DLC1: variants seen among roughly 807,000 people sequenced by gnomAD.
DLC1 encodes the protein rho GTPase-activating protein 7.
DLC1 carries 54 observed loss-of-function variants against 140.3 expected under a neutral mutation model. The ratio of observed to expected loss-of-function variants is 0.38; its 90% CI spans 0.31 to 0.48. The LOEUF (loss-of-function observed/expected upper bound fraction) is 0.48, where lower values mean the gene tolerates loss of function less well. Ranked by LOEUF, DLC1 falls within the 20% of genes least tolerant of loss-of-function variation. DLC1 has a pLI of 0.96. For missense variants in DLC1, 2,536 were observed against 1,907.0 expected (o/e 1.33, Z -6.14); for synonymous variants, 986 against 728.1 (o/e 1.35, Z -5.70).
chr8:13,246,820 CA>C (rs1419776035), intron 5 of DLC1, among the ~76,000 whole-genome samples: 3 of 152,122 alleles, frequency 2.0e-5, no homozygotes, highest in Admixed American at 6.6e-5. Flanking sequence ...GGATCTGAGA[CA>C]TATTTCTAAT....
intron 5 of DLC1, among the ~76,000 whole-genome samples, chr8:13,194,497 T>G (rs1443245758): frequency 6.6e-6 from 1 of 152,202 alleles, no homozygotes; most frequent in Non-Finnish European, 1.5e-5. Context: ...GAACTGTGTA[T>G]CCTGGAATTG....
chr8:13,237,336 ATATATACACACACACACG>A (rs1829332804), intron 5 of DLC1, among the ~76,000 whole-genome samples: 1 of 150,066 alleles, frequency 6.7e-6, no homozygotes, highest in South Asian at 2.1e-4. Flanking sequence ...GTGTATATAT[ATATATACACACACACACG>A]TATATACACA....
At chr8:13,315,836 C>T (rs1832842296) in intron 4 of DLC1, among the ~76,000 whole-genome samples, 1 of 152,136 alleles carries the variant, frequency 6.6e-6, no homozygotes, top group Admixed American at 6.5e-5. Context: ...TTAACATTTG[C>T]CTCAAAATGT....
chr8:13,181,240 C>G (rs1826013993), intron 5 of DLC1, among the ~76,000 whole-genome samples: 1 of 152,078 alleles, frequency 6.6e-6, no homozygotes, highest in Non-Finnish European at 1.5e-5. Context: ...AAGCTCTTCC[C>G]CCAGCAAGCA....
At chr8:13,445,947 C>T (rs1022696446) in intron 2 of DLC1, among the ~76,000 whole-genome samples, 16 of 152,040 alleles carry the variant, frequency 1.1e-4, no homozygotes, top group African/African-American at 3.9e-4. Context: ...CTTCGATAAC[C>T]CTAAGAAAGG....
intron 2 of DLC1, among the ~76,000 whole-genome samples, chr8:13,455,710 G>T (rs970944707): frequency 2.0e-5 from 3 of 152,094 alleles, no homozygotes; most frequent in Non-Finnish European, 4.4e-5. Flanking sequence ...CAGTCAAGTT[G>T]CATCTTATAA....
chr8:13,375,238 A>C (rs1835920402), intron 4 of DLC1, among the ~76,000 whole-genome samples: 1 of 152,114 alleles, frequency 6.6e-6, no homozygotes, highest in Admixed American at 6.5e-5. Flanking sequence ...TGTGTTAGCC[A>C]GGATGGTCTC....
At chr8:13,349,219 G>T (rs1219712027) in intron 4 of DLC1, among the ~76,000 whole-genome samples, 1 of 152,106 alleles carries the variant, frequency 6.6e-6, no homozygotes, top group Admixed American at 6.5e-5. Context: ...GTTGTTGCAC[G>T]AGTCCCTAGG....
intron 4 of DLC1, among the ~76,000 whole-genome samples, chr8:13,321,396 T>C (rs570414374): frequency 2.1e-4 from 32 of 151,746 alleles, no homozygotes; most frequent in African/African-American, 7.7e-4. Flanking sequence ...AAATTAGCCA[T>C]GTGTGGTGGT....
chr8:13,276,230 C>T (rs1351605477), intron 5 of DLC1: 14 of 1,533,776 alleles, frequency 9.1e-6, no homozygotes, highest in Admixed American at 2.0e-5. Flanking sequence ...ATACCCCTCA[C>T]CCCCGGTCTC....
chr8:13,172,805 C>A (rs969239208), intron 5 of DLC1, among the ~76,000 whole-genome samples: 5 of 152,164 alleles, frequency 3.3e-5, no homozygotes, highest in Non-Finnish European at 7.4e-5. Flanking sequence ...GGAATCAGCT[C>A]TCAAAATCTT....
chr8:13,547,772 C>G (rs1183285178), intron 1 of DLC1, among the ~76,000 whole-genome samples: 4 of 152,054 alleles, frequency 2.6e-5, no homozygotes, highest in Non-Finnish European at 5.9e-5. Context: ...CCTGCCTACT[C>G]TTTCTAATCT....
At chr8:13,312,464 T>A in intron 4 of DLC1, among the ~76,000 whole-genome samples, 2 of 151,608 alleles carry the variant, frequency 1.3e-5, no homozygotes, top group Non-Finnish European at 2.9e-5. Context: ...TCTCTGTCTT[T>A]ATTGAATTTT....
At chr8:13,501,803 A>G (rs1801834765) in intron 1 of DLC1, among the ~76,000 whole-genome samples, 1 of 152,194 alleles carries the variant, frequency 6.6e-6, no homozygotes, top group Non-Finnish European at 1.5e-5. Flanking sequence ...TCAAAAGAAA[A>G]TATAAAATCT....
At chr8:13,145,876 G>C (rs1005642650) in intron 5 of DLC1, among the ~76,000 whole-genome samples, 3 of 152,198 alleles carry the variant, frequency 2.0e-5, no homozygotes, top group Non-Finnish European at 4.4e-5. Flanking sequence ...GGTTAGGGAA[G>C]AGCATGGGGG....
intron 5 of DLC1, among the ~76,000 whole-genome samples, chr8:13,136,591 G>A (rs1485837839): frequency 5.9e-5 from 9 of 152,198 alleles, no homozygotes; most frequent in Non-Finnish European, 1.2e-4. Context: ...CACTGCAGCC[G>A]AATGTCTGTG....
chr8:13,541,972 T>C (rs968129042), intron 1 of DLC1, among the ~76,000 whole-genome samples: 6 of 152,234 alleles, frequency 3.9e-5, no homozygotes, highest in Non-Finnish European at 8.8e-5. Flanking sequence ...AAGTGCTTGA[T>C]CAGTATTTAT....
At chr8:13,191,680 T>C (rs1271419942) in intron 5 of DLC1, among the ~76,000 whole-genome samples, 2 of 152,124 alleles carry the variant, frequency 1.3e-5, no homozygotes, top group Non-Finnish European at 2.9e-5. Context: ...CTTAATTTTA[T>C]AAAGCCTAAA....
chr8:13,581,971 G>A (rs982626763), intron 1 of DLC1, among the ~76,000 whole-genome samples: 2 of 152,130 alleles, frequency 1.3e-5, no homozygotes, highest in African/African-American at 4.8e-5. Context: ...CTGTGTGTGA[G>A]TGTGTGTGTG....
Sources: allele counts gnomAD v4.1 joint callset (sites outside exome capture counted in the v4.1 genomes callset), GRCh38; gene constraint gnomAD v4.1.1; transcripts MANE v1.5; gene names NCBI Gene and HGNC (gene_info 2026-07-23, HGNC 2026-07-21).